DNAH8: variants seen among roughly 807,000 people sequenced by gnomAD.
The protein encoded by DNAH8 is dynein axonemal heavy chain 8.
DNAH8 carries 382 observed loss-of-function variants against 562.1 expected under a neutral mutation model. That is an observed-to-expected ratio of 0.68 (90% CI 0.63 to 0.74). DNAH8 has a LOEUF of 0.74. Among genes scored for constraint, DNAH8 ranks in the 30% least tolerant of loss-of-function variants. The pLI, the probability that DNAH8 is intolerant of heterozygous loss-of-function variation, is 0.00. For missense variants in DNAH8, 5,203 were observed against 5,620.4 expected, an observed-to-expected ratio of 0.93 and a Z score of 2.37; for synonymous variants, 1,881 against 1,919.4, an observed-to-expected ratio of 0.98 and a Z score of 0.52.
chr6:38,958,668 A>AAG (rs1762422751), intron 82 of DNAH8, among the ~76,000 whole-genome samples: 1 of 150,482 alleles, frequency 6.6e-6, no homozygotes, highest in Non-Finnish European at 1.5e-5. Flanking sequence ...AAAAAAAAAA[A>AAG]AGCCCAGGAA....
intron 78 of DNAH8, 118 bp downstream of exon 78, chr6:38,938,344 T>C: frequency 8.3e-7 from 1 of 1,207,746 alleles, no homozygotes; most frequent in Non-Finnish European, 1.2e-6. Context: ...TCAACCTAAA[T>C]GCCCATCAAC....
intron 85 of DNAH8, among the ~76,000 whole-genome samples, chr6:38,981,840 C>A (rs1764058307): frequency 6.6e-6 from 1 of 152,326 alleles, no homozygotes; most frequent in African/African-American, 2.4e-5. Flanking sequence ...AACCCCTTAG[C>A]TATAGAGCCA....
At chr6:38,981,611 C>CT (rs1764044106) in intron 85 of DNAH8, among the ~76,000 whole-genome samples, 1 of 152,200 alleles carries the variant, frequency 6.6e-6, no homozygotes. Flanking sequence ...ATCACAGAAT[C>CT]TAAGTGCTCT....
intron 4 of DNAH8, among the ~76,000 whole-genome samples, chr6:38,732,565 A>C (rs1478122969): frequency 1.3e-5 from 2 of 152,192 alleles, no homozygotes; most frequent in African/African-American, 4.8e-5. Context: ...GAAGGTGGAT[A>C]ACAAAATTTA....
chr6:38,827,222 G>A (rs1738206), intron 29 of DNAH8, among the ~76,000 whole-genome samples: 32,057 of 151,980 alleles, frequency 0.21, 4,262 homozygotes, highest in African/African-American at 0.37. Context: ...CATCAGGCCC[G>A]CCTGTTAATC....
chr6:38,981,760 G>A (rs1470523230), intron 85 of DNAH8, among the ~76,000 whole-genome samples: 1 of 152,210 alleles, frequency 6.6e-6, no homozygotes, highest in East Asian at 1.9e-4. Context: ...TGAGTTGTCA[G>A]TGGAGACCTA....
intron 82 of DNAH8, among the ~76,000 whole-genome samples, chr6:38,965,923 A>G (rs1213559420): frequency 6.6e-6 from 1 of 152,260 alleles, no homozygotes; most frequent in African/African-American, 2.4e-5. Context: ...AAAGATTACA[A>G]ATTAATAACA....
At chr6:38,970,530 C>T (rs1763264349) in intron 82 of DNAH8, among the ~76,000 whole-genome samples, 1 of 152,160 alleles carries the variant, frequency 6.6e-6, no homozygotes, top group Non-Finnish European at 1.5e-5. Context: ...TGACCCTGAG[C>T]CCACGAATAA....
intron 74 of DNAH8, among the ~76,000 whole-genome samples, chr6:38,926,595 T>C (rs1782143575): frequency 6.6e-6 from 1 of 152,178 alleles, no homozygotes; most frequent in African/African-American, 2.4e-5. Flanking sequence ...AGTCCAGCTT[T>C]GGTGCTTGCA....
rs371362386 is a variant in DNAH8 at position 38,883,963 on chromosome 6, A to C, written c.8224A>C (p.Ile2742Leu). The change falls in exon 56 of 93, where the codon ATT becomes CTT. Residue 2742 changes from isoleucine (I) to leucine (L), a missense_variant. Ile to Leu is a conservative substitution (Grantham distance 5). Transcript: ENST00000327475. ...GRKMTVFIDD[I>L]NMPVINEWGD... The stretch of plus-strand genomic sequence containing the variant: ...AAAAATGACTGTATTTATTGATGAT[A>C]TTAATATGCCTGTGATTAATGAGTG... 2.9e-5 allele frequency: 46 copies of C among 1,583,936 alleles called. No homozygotes were observed. In the African/African-American group the frequency reaches 6.2e-4, roughly 21 times the overall value.
At chr6:38,971,960 G>C (rs952802213) in intron 83 of DNAH8, 8 of 252,768 alleles carry the variant, frequency 3.2e-5, no homozygotes, top group Non-Finnish European at 6.0e-5. Context: ...GGAATTTCAT[G>C]ATCAATATGA....
rs370584047 is a variant in DNAH8 at position 38,823,560 on chromosome 6, A to G, written c.3721-2A>G. On this transcript the variant is annotated splice_acceptor_variant, in intron 27 of 92. Transcript: ENST00000327475. LOFTEE classifies it high-confidence loss of function. ...AAAATATTGACTATTTTCTTACCACAGGAATTTTTGGCTAACAACCCCTCT... is the reference window on the plus strand; with the variant it reads ...AAAATATTGACTATTTTCTTACCACGGGAATTTTTGGCTAACAACCCCTCT... 1.9e-6 allele frequency: 3 copies of G among 1,598,474 alleles called. No individual in the cohort carries two copies. The African/African-American group carries it at 4.0e-5, about 21-fold the overall frequency.
chr6:38,859,579 C>T (rs1219358156), intron 42 of DNAH8, among the ~76,000 whole-genome samples: 1 of 152,200 alleles, frequency 6.6e-6, no homozygotes, highest in Admixed American at 6.5e-5. Flanking sequence ...GTTGATTCCT[C>T]TGAATGGGCA....
intron 61 of DNAH8, 83 bp from the exon 62 acceptor site, chr6:38,899,693 T>A (rs1205202116): frequency 7.4e-6 from 11 of 1,476,618 alleles, no homozygotes; most frequent in Non-Finnish European, 8.4e-6. Flanking sequence ...AAACATATGA[T>A]CAAAACTTGG....
In DNAH8 at chr6:38,807,602, T is replaced by A; in HGVS notation, c.3151-8T>A. 1 of 1,431,080 alleles carries A rather than the reference T, an allele frequency of 7.0e-7. No individual in the cohort carries two copies. The allele number at this position is 1,431,080 out of a possible 1,614,324, so 88.6% of individuals were successfully genotyped here. ...AGATACCAAATTTAATCTGATTTCT[T>A]ATTACAGGAGTGTAAAGAGGTCTTT... On this transcript the variant is annotated splice_region_variant and splice_polypyrimidine_tract_variant and intron_variant, in intron 23 of 92. Transcript: ENST00000327475.
rs541869820 is a variant in DNAH8, at chr6:39,024,295, T to C, written c.13715-2251T>C. On this transcript the variant is annotated intron_variant, in intron 91 of 92. Transcript: ENST00000327475. The stretch of plus-strand genomic sequence containing the variant: ...CATTATGACCTTGTAGATTCATAGA[T>C]CAGTAATGAATCTTAAAACATCATA... Among the ~76,000 whole-genome samples, 56 of 152,296 alleles carry C rather than the reference T, an allele frequency of 3.7e-4. 2 individuals are homozygous for C. The South Asian group carries it at 0.011, about 31-fold the overall frequency.
intron 63 of DNAH8, among the ~76,000 whole-genome samples, chr6:38,907,577 C>T (rs1254000892): frequency 6.6e-6 from 1 of 152,220 alleles, no homozygotes; most frequent in Non-Finnish European, 1.5e-5. Flanking sequence ...TAACTCTTCC[C>T]TACACCATGG....
intron 14 of DNAH8, among the ~76,000 whole-genome samples, chr6:38,779,102 T>G (rs972077554): frequency 6.6e-6 from 1 of 152,016 alleles, no homozygotes; most frequent in Admixed American, 6.6e-5. Context: ...AATCCCAGAT[T>G]AGAGGGCTGA....
intron 88 of DNAH8, among the ~76,000 whole-genome samples, chr6:38,996,882 T>C (rs566091362): frequency 1.2e-4 from 18 of 152,210 alleles, no homozygotes; most frequent in African/African-American, 3.9e-4. Flanking sequence ...TAGGATGCCG[T>C]AAGCGAGCTT....
Sources: allele counts gnomAD v4.1 joint callset (sites outside exome capture counted in the v4.1 genomes callset), GRCh38; gene constraint gnomAD v4.1.1; transcripts MANE v1.5; gene names NCBI Gene and HGNC (gene_info 2026-07-23, HGNC 2026-07-21).